CACNA2D1: variants seen among roughly 807,000 people sequenced by gnomAD.
The protein encoded by CACNA2D1 is voltage-dependent calcium channel subunit alpha-2/delta-1.
CACNA2D1 carries 53 observed loss-of-function variants against 171.5 expected under a neutral mutation model. The ratio of observed to expected loss-of-function variants is 0.31; its 90% CI spans 0.25 to 0.39. The LOEUF (loss-of-function observed/expected upper bound fraction) is 0.39, where lower values mean the gene tolerates loss of function less well. CACNA2D1 is among the 10% of genes least tolerant of loss of function. CACNA2D1 has a pLI of 1.00. For synonymous variants in CACNA2D1, 442 were observed against 443.1 expected, an observed-to-expected ratio of 1.00 and a Z score of 0.03; for missense variants, 903 against 1,299.8, an observed-to-expected ratio of 0.69 and a Z score of 4.69.
chr7:82,116,403 T>A (rs1343898503), intron 6 of CACNA2D1, among the ~76,000 whole-genome samples: 1 of 152,172 alleles, frequency 6.6e-6, no homozygotes, highest in Non-Finnish European at 1.5e-5. Flanking sequence ...AAACACTTTT[T>A]TTACCCCATC....
At chr7:82,418,226 A>C (rs1828373654) in intron 1 of CACNA2D1, among the ~76,000 whole-genome samples, 1 of 152,182 alleles carries the variant, frequency 6.6e-6, no homozygotes, top group Non-Finnish European at 1.5e-5. Flanking sequence ...CGAACTGAGT[A>C]TCATTAGAAT....
chr7:82,360,141 C>A (rs1465779239), intron 1 of CACNA2D1, among the ~76,000 whole-genome samples: 1 of 152,168 alleles, frequency 6.6e-6, no homozygotes, highest in Non-Finnish European at 1.5e-5. Flanking sequence ...CATTGTTAAA[C>A]CACCAGATAG....
intron 3 of CACNA2D1, among the ~76,000 whole-genome samples, chr7:82,312,367 A>G (rs1168289856): frequency 6.6e-6 from 1 of 152,230 alleles, no homozygotes; most frequent in Non-Finnish European, 1.5e-5. Context: ...AAAAATCACT[A>G]GAAATTAAAA....
rs570558363 is a variant in CACNA2D1, at chr7:82,372,991, C to G, written c.96-23342G>C. Among the ~76,000 whole-genome samples the G allele has an allele frequency of 1.9e-4, 29 of 152,304 alleles. No homozygotes were observed. In the South Asian group the frequency reaches 5.4e-3, roughly 28 times the overall value. On this transcript the variant is annotated intron_variant, in intron 1 of 38. Transcript: ENST00000356860. ...CTGGACGTCAGGAGTTCGAGACCAG[C>G]CTGGCCAACATGGTGAAACCCCATC...
intron 1 of CACNA2D1, among the ~76,000 whole-genome samples, chr7:82,413,457 G>A (rs1337961732): frequency 6.6e-6 from 1 of 152,132 alleles, no homozygotes; most frequent in Non-Finnish European, 1.5e-5. Flanking sequence ...TCTCCCTGGG[G>A]AGCCCCAGGA....
At chr7:82,060,167 T>TATATATATAATATATATATA (rs1554381642) in intron 10 of CACNA2D1, among the ~76,000 whole-genome samples, 354 of 12,524 alleles carry the variant, frequency 0.028, 76 homozygotes, top group Admixed American at 0.035. Flanking sequence ...ATATATATAA[T>TATATATATAATATATATATA]ATATATATAT....
At position 82,185,654 on chromosome 7, in the gene CACNA2D1, G is replaced by A. The variant is rs138456307; in HGVS notation, c.295-15045C>T. ...ACTGTTAGTTCTTCTGGAGAATTTC[G>A]TGATATCTATTATTAAAAAGGCAAG... On this transcript the variant is annotated intron_variant, in intron 3 of 38. Transcript: ENST00000356860. 1.5e-3 allele frequency among the ~76,000 whole-genome samples: 232 copies of A among 151,696 alleles called. 1 individual carries two copies. The highest frequency in any genetic ancestry group is 5.3e-3 in the African/African-American group (221 of 41,420).
At chr7:82,038,832 G>C (rs528635538) in intron 10 of CACNA2D1, among the ~76,000 whole-genome samples, 2 of 152,264 alleles carry the variant, frequency 1.3e-5, no homozygotes, top group South Asian at 4.1e-4. Context: ...TGGAGGCAAG[G>C]TGATGGAGCC....
intron 12 of CACNA2D1, among the ~76,000 whole-genome samples, chr7:82,015,539 T>G (rs891010695): frequency 3.9e-5 from 6 of 152,118 alleles, no homozygotes; most frequent in Non-Finnish European, 8.8e-5. Context: ...GAGGTCAACC[T>G]ATACTTAATA....
At chr7:82,169,980 A>C (rs1385017904) in intron 4 of CACNA2D1, among the ~76,000 whole-genome samples, 2 of 151,840 alleles carry the variant, frequency 1.3e-5, no homozygotes, top group Non-Finnish European at 2.9e-5. Flanking sequence ...AAACAAGTTT[A>C]TTAAGAAAAA....
rs757518109 is a variant in CACNA2D1 at position 81,950,514 on chromosome 7, G to GT, written c.3160-7dup. On this transcript the variant is annotated splice_region_variant and splice_polypyrimidine_tract_variant and intron_variant, in intron 38 of 38. Coordinates refer to ENST00000356860, the MANE Select transcript of CACNA2D1 (RefSeq NM_000722.4). ...CCACAGTCAGTATAATCCTCCTGTT[G>GT]TTAAAAAAAAAAGAAAAGAACAGAA... is the stretch of plus-strand genomic sequence containing the variant. 6.2e-7 allele frequency: 1 copy of GT among 1,600,278 alleles called. No homozygotes were observed. The highest frequency in any genetic ancestry group is 8.5e-7 in the Non-Finnish European group (1 of 1,173,956).
At chr7:82,180,759 C>T (rs963154943) in intron 3 of CACNA2D1, among the ~76,000 whole-genome samples, 14 of 151,798 alleles carry the variant, frequency 9.2e-5, no homozygotes, top group Non-Finnish European at 1.6e-4. Context: ...AGAGAGGTTG[C>T]GGGGGTCAAC....
chr7:82,194,832 CTG>C (rs1798691237), intron 3 of CACNA2D1, among the ~76,000 whole-genome samples: 1 of 151,588 alleles, frequency 6.6e-6, no homozygotes, highest in African/African-American at 2.4e-5. Flanking sequence ...AAGTAAGAGT[CTG>C]TGAAAATACT....
At chr7:82,315,529 CA>C (rs11294766) in intron 3 of CACNA2D1, among the ~76,000 whole-genome samples, 11,929 of 151,844 alleles carry the variant, frequency 0.079, 1,576 homozygotes, top group African/African-American at 0.27. Flanking sequence ...CATATTGCAT[CA>C]AAAATTAAAA....
At chr7:82,391,009 G>A (rs1825059153) in intron 1 of CACNA2D1, among the ~76,000 whole-genome samples, 2 of 151,754 alleles carry the variant, frequency 1.3e-5, no homozygotes, top group Non-Finnish European at 2.9e-5. Context: ...TCCTTCTAAG[G>A]TAGACAGTGT....
Position 82,263,102 on chromosome 7 carries a change from C to CTTTTTTT in CACNA2D1, c.294+72026_294+72032dup, listed in dbSNP as rs759968270. Among the ~76,000 whole-genome samples the CTTTTTTT allele has an allele frequency of 2.7e-4, 29 of 107,992 alleles. 3 individuals carry two copies. Among genetic ancestry groups the CTTTTTTT allele is most frequent in the Admixed American group, 4.5e-4 (4 of 8,834 alleles). The allele number at this position is 107,992 out of a possible 152,430, so 70.8% of individuals were successfully genotyped here. ...AAGGCTCCTATGTCACATAACACCA[C>CTTTTTTT]TTTTTTTTTTTTTTTTTTTTGAGAC... On this transcript the variant is annotated intron_variant, in intron 3 of 38. Transcript: ENST00000356860.
chr7:82,110,114 A>G (rs1788200648), intron 6 of CACNA2D1, among the ~76,000 whole-genome samples: 1 of 152,164 alleles, frequency 6.6e-6, no homozygotes. Context: ...ATAGTATCCA[A>G]TGTCCACAAC....
At chr7:82,039,780 G>A (rs1426202065) in intron 10 of CACNA2D1, among the ~76,000 whole-genome samples, 1 of 152,102 alleles carries the variant, frequency 6.6e-6, no homozygotes, top group Admixed American at 6.5e-5. Flanking sequence ...AGAACAACAT[G>A]TGCAAAGGCC....
At chr7:82,297,299 A>G (rs1812422401) in intron 3 of CACNA2D1, among the ~76,000 whole-genome samples, 1 of 152,048 alleles carries the variant, frequency 6.6e-6, no homozygotes, top group Non-Finnish European at 1.5e-5. Flanking sequence ...CCTATTTAAT[A>G]GTATAACAAC....
Sources: gnomAD v4.1 joint callset for allele counts (sites outside exome capture counted in the v4.1 genomes callset) on GRCh38, gnomAD v4.1.1 for gene constraint, MANE v1.5 for transcripts, NCBI Gene and HGNC (gene_info 2026-07-23, HGNC 2026-07-21) for gene names.